The following NAALADL2 variants were observed in gnomAD, a reference collection of about 807,000 sequenced individuals.
NAALADL2 encodes the protein inactive N-acetylated-alpha-linked acidic dipeptidase-like protein 2.
In NAALADL2, 76 loss-of-function variants were observed where a neutral mutation model predicts 87.2. The observed-to-expected ratio is 0.87, with a 90% CI of 0.72 to 1.05. The LOEUF (loss-of-function observed/expected upper bound fraction) is 1.05. Among genes scored for constraint, NAALADL2 ranks in the 50% least tolerant of loss-of-function variants. The pLI, the probability that NAALADL2 is intolerant of heterozygous loss-of-function variation, is 0.00. For synonymous variants in NAALADL2, 354 were observed against 331.0 expected, an observed-to-expected ratio of 1.07 and a Z score of -0.75; for missense variants, 1,089 against 945.8, an observed-to-expected ratio of 1.15 and a Z score of -1.99.
At chr3:175,213,517 T>A (rs1484745341) in intron 2 of NAALADL2, among the ~76,000 whole-genome samples, 4 of 152,040 alleles carry the variant, frequency 2.6e-5, no homozygotes, top group African/African-American at 9.7e-5. Flanking sequence ...ACACACAGCT[T>A]TTGAAGGCAT....
intron 4 of NAALADL2, among the ~76,000 whole-genome samples, chr3:175,319,909 G>T (rs1005817168): frequency 2.6e-5 from 4 of 152,186 alleles, no homozygotes; most frequent in African/African-American, 9.7e-5. Context: ...AGCCTGCTAA[G>T]TGCAAGGTGT....
At chr3:175,558,540 A>G (rs1715737985) in intron 9 of NAALADL2, among the ~76,000 whole-genome samples, 1 of 152,102 alleles carries the variant, frequency 6.6e-6, no homozygotes, top group South Asian at 2.1e-4. Context: ...TTCTTTTAGC[A>G]GTTTCATAGT....
chr3:174,850,322 A>C (rs186418048), intron 3 of NAALADL2, among the ~76,000 whole-genome samples: 183 of 152,246 alleles, frequency 1.2e-3, no homozygotes, highest in Admixed American at 2.6e-3. Flanking sequence ...CTTTTAGATT[A>C]AGTATCCTTT....
intron 2 of NAALADL2, among the ~76,000 whole-genome samples, chr3:174,638,114 T>C (rs1364351621): frequency 6.6e-6 from 1 of 152,198 alleles, no homozygotes; most frequent in Non-Finnish European, 1.5e-5. Context: ...TGCATGTAGA[T>C]ATAATTTAAA....
chr3:174,953,294 GCCTCCCCTCCCCTCCCCTCCCCTCC>G (rs1224986554), intron 1 of NAALADL2, among the ~76,000 whole-genome samples: 59 of 18,420 alleles, frequency 3.2e-3, no homozygotes, highest in Middle Eastern at 0.045. Context: ...AATCTTTCTT[GCCTCCCCTCCCCTCCCCTCCCCTCC>G]CCTCCCCTCC....
Position 175,226,972 on chromosome 3 carries a change from A to G in NAALADL2, c.546-6959A>G, listed in dbSNP as rs1013698348. 5.3e-5 allele frequency among the ~76,000 whole-genome samples: 8 copies of G among 152,214 alleles called. No homozygotes were observed. In the South Asian group the frequency reaches 1.7e-3, roughly 32 times the overall value. On this transcript the variant is annotated intron_variant, in intron 2 of 13. Coordinates refer to ENST00000454872, the MANE Select transcript of NAALADL2 (RefSeq NM_207015.3). Reference sequence around the variant, plus strand: ...GCAGAATTTTACTACATTGGATACCAATTCAAATAACAACCTAATGAAATG... The same window carrying G: ...GCAGAATTTTACTACATTGGATACCGATTCAAATAACAACCTAATGAAATG...
rs549603440 is a variant in NAALADL2 at position 174,677,719 on chromosome 3, T to C, written c.-114-59922T>C. On this transcript the variant is annotated intron_variant, in intron 2 of 3. Coordinates refer to the NAALADL2 transcript ENST00000434257. ...ATGAATATTGTTGATTCATTAACAC[T>C]GAACTCATGGTCGATAGCATTGTAA... 2.4e-4 allele frequency among the ~76,000 whole-genome samples: 36 copies of C among 152,192 alleles called. 1 individual carries two copies. Among genetic ancestry groups the C allele is most frequent in the Non-Finnish European group, 4.9e-4 (33 of 67,962 alleles).
chr3:175,736,745 A>G (rs1385750352), intron 11 of NAALADL2, among the ~76,000 whole-genome samples: 1 of 152,228 alleles, frequency 6.6e-6, no homozygotes, highest in Non-Finnish European at 1.5e-5. Flanking sequence ...ATTCGTCAGT[A>G]TGTAATTTGG....
intron 2 of NAALADL2, among the ~76,000 whole-genome samples, chr3:175,098,573 T>C (rs1721564551): frequency 6.6e-6 from 1 of 152,106 alleles, no homozygotes; most frequent in African/African-American, 2.4e-5. Flanking sequence ...AGCTTCTCTT[T>C]TACTCCTGCC....
intron 1 of NAALADL2, among the ~76,000 whole-genome samples, chr3:174,921,274 A>G (rs1007637481): frequency 6.6e-6 from 1 of 152,216 alleles, no homozygotes; most frequent in Non-Finnish European, 1.5e-5. Context: ...GTATATCTAG[A>G]CAATATTTTG....
intron 1 of NAALADL2, among the ~76,000 whole-genome samples, chr3:175,030,473 T>C (rs959897166): frequency 6.6e-6 from 1 of 152,112 alleles, no homozygotes; most frequent in Non-Finnish European, 1.5e-5. Context: ...TTATGTATCA[T>C]GTAGACTAGA....
At chr3:175,635,001 T>C (rs1307893777) in intron 11 of NAALADL2, among the ~76,000 whole-genome samples, 2 of 152,164 alleles carry the variant, frequency 1.3e-5, no homozygotes, top group African/African-American at 4.8e-5. Flanking sequence ...TCAAGGGAGA[T>C]AGTAGCATAT....
At chr3:174,803,243 T>G (rs1719053809) in intron 3 of NAALADL2, among the ~76,000 whole-genome samples, 1 of 152,192 alleles carries the variant, frequency 6.6e-6, no homozygotes, top group Non-Finnish European at 1.5e-5. Context: ...TGATGAACAT[T>G]TTTTCATGTG....
At chr3:174,787,605 A>ATATATATATATACG (rs1716936420) in intron 3 of NAALADL2, among the ~76,000 whole-genome samples, 1 of 89,248 alleles carries the variant, frequency 1.1e-5, no homozygotes, top group Non-Finnish European at 2.4e-5. Flanking sequence ...ATATATATAT[A>ATATATATATATACG]TATATATATA....
intron 5 of NAALADL2, among the ~76,000 whole-genome samples, chr3:175,331,213 C>T (rs1761355529): frequency 6.6e-6 from 1 of 152,092 alleles, no homozygotes. Context: ...TTGAATTCTA[C>T]TGACCTTTCA....
At chr3:174,987,582 A>C (rs1328234071) in intron 1 of NAALADL2, among the ~76,000 whole-genome samples, 2 of 120,948 alleles carry the variant, frequency 1.7e-5, no homozygotes, top group Middle Eastern at 4.0e-3. Flanking sequence ...AAAAAAAAAA[A>C]AAAAAAAAAA....
Position 175,492,306 on chromosome 3 carries a change from C to T in NAALADL2, c.1653+20548C>T, listed in dbSNP as rs17535700. 9.2e-3 allele frequency among the ~76,000 whole-genome samples: 1,403 copies of T among 152,242 alleles called. 15 individuals carry two copies. Among genetic ancestry groups the T allele is most frequent in the Non-Finnish European group, 0.014 (965 of 68,014 alleles). On this transcript the variant is annotated intron_variant, in intron 9 of 13. Coordinates refer to ENST00000454872, the MANE Select transcript of NAALADL2 (RefSeq NM_207015.3). Reference sequence around the variant, plus strand: ...GTGTATGGAGTAGTCAATCAGGCAGCTCTGAAAAGTGCTGAAATGAAGCCC... The same window carrying T: ...GTGTATGGAGTAGTCAATCAGGCAGTTCTGAAAAGTGCTGAAATGAAGCCC...
chr3:175,309,189 T>G (rs2110286897), intron 4 of NAALADL2, among the ~76,000 whole-genome samples: 1 of 152,280 alleles, frequency 6.6e-6, no homozygotes, highest in South Asian at 2.1e-4. Flanking sequence ...ATGTATCTTT[T>G]TTTTTCTTTT....
At chr3:175,375,200 CA>C (rs2148964391) in intron 5 of NAALADL2, among the ~76,000 whole-genome samples, 1 of 152,216 alleles carries the variant, frequency 6.6e-6, no homozygotes, top group South Asian at 2.1e-4. Flanking sequence ...TTAGTCTTGA[CA>C]TTTTTTTAAA....
Sources: gnomAD v4.1 joint callset for allele counts (sites outside exome capture counted in the v4.1 genomes callset) on GRCh38, gnomAD v4.1.1 for gene constraint, MANE v1.5 for transcripts, NCBI Gene and HGNC (gene_info 2026-07-23, HGNC 2026-07-21) for gene names.